SLC26A8: variants seen among roughly 807,000 people sequenced by gnomAD.
SLC26A8 encodes the protein testis anion transporter 1.
Under a neutral mutation model 105.0 loss-of-function variants are expected in SLC26A8, and 70 were observed. The observed-to-expected ratio is 0.67, with a 90% confidence interval of 0.55 to 0.81. The LOEUF (loss-of-function observed/expected upper bound fraction) is 0.81. Among genes scored for constraint, SLC26A8 ranks in the 40% least tolerant of loss-of-function variants. The pLI is 0.00. For missense variants in SLC26A8, 998 were observed against 1,181.8 expected, an observed-to-expected ratio of 0.84 and a Z score of 2.28; for synonymous variants, 415 against 438.3, an observed-to-expected ratio of 0.95 and a Z score of 0.66.
At chr6:36,009,353 A>AAACAAC (rs145874408) in intron 3 of SLC26A8, among the ~76,000 whole-genome samples, 63 of 149,370 alleles carry the variant, frequency 4.2e-4, no homozygotes, top group South Asian at 8.4e-4. Flanking sequence ...TGCCTCTCAA[A>AAACAAC]AACAACAACA....
chr6:35,983,971 C>T (rs957578023), intron 7 of SLC26A8, among the ~76,000 whole-genome samples: 5 of 152,080 alleles, frequency 3.3e-5, no homozygotes, highest in South Asian at 2.1e-4. Context: ...AGACCGTGGG[C>T]GCCTCCATCC....
chr6:35,965,851 CGTGGTGGCAGGT>C (rs1197164598), intron 11 of SLC26A8, among the ~76,000 whole-genome samples: 1 of 146,836 alleles, frequency 6.8e-6, no homozygotes, highest in Admixed American at 6.8e-5. Flanking sequence ...ATTAGCCAGG[CGTGGTGGCAGGT>C]GCCTGTAATC....
intron 3 of SLC26A8, among the ~76,000 whole-genome samples, chr6:36,009,196 C>CA (rs1442226822): frequency 6.6e-6 from 1 of 152,078 alleles, no homozygotes; most frequent in Non-Finnish European, 1.5e-5. Flanking sequence ...TACTAAAAGA[C>CA]AAAAGTTAGC....
intron 10 of SLC26A8, among the ~76,000 whole-genome samples, chr6:35,972,182 T>C (rs1772821905): frequency 6.6e-6 from 1 of 152,192 alleles, no homozygotes; most frequent in Admixed American, 6.5e-5. Flanking sequence ...CAGATTATTT[T>C]TGAGAGGTTC....
Position 35,944,284 on chromosome 6 carries a change from T to G in SLC26A8, c.2529A>C (p.Val843=). 6.2e-7 allele frequency: 1 copy of G among 1,614,096 alleles called. No homozygotes were observed. The highest frequency in any genetic ancestry group is 8.5e-7 in the Non-Finnish European group (1 of 1,180,006). Residue 843 remains valine, a synonymous_variant, in exon 20 of 20, where the codon GTA becomes GTC. Transcript: ENST00000490799. The stretch of plus-strand genomic sequence containing the variant: ...GTTGGATCTTGATGAAGCCTGGACT[T>G]ACATTTTTTTGGCTTCCTAGAAAAC... ...SSSFLGSQKN[V]SPGFIKIQQP...
intron 5 of SLC26A8, among the ~76,000 whole-genome samples, chr6:35,996,850 C>G (rs569657943): frequency 6.6e-6 from 1 of 152,224 alleles, no homozygotes; most frequent in East Asian, 1.9e-4. Flanking sequence ...GCCTGGCTAA[C>G]ATGGTGAAAC....
intron 7 of SLC26A8, 128 bp downstream of exon 7, chr6:35,991,531 C>T (rs1353181711): frequency 6.4e-6 from 4 of 621,284 alleles, no homozygotes; most frequent in African/African-American, 5.8e-5. Flanking sequence ...AGAAAACAAG[C>T]ATGTTTTCAC....
In SLC26A8 at chr6:35,951,048, A is replaced by T. The variant is rs912847839; in HGVS notation, c.2472+115T>A. The T allele has an allele frequency of 1.5e-5, 15 of 1,031,114 alleles. No individual in the cohort carries two copies. The Admixed American group carries it at 2.1e-4, about 14-fold the overall frequency. 63.9% of individuals were successfully genotyped at this position (1,031,114 alleles called of 1,614,324 possible). On this transcript the variant is annotated intron_variant, in intron 19 of 19. Coordinates refer to ENST00000490799, the MANE Select transcript of SLC26A8 (RefSeq NM_052961.4). The stretch of plus-strand genomic sequence containing the variant: ...GCCATACTAAATACCTTTCCTGGAC[A>T]TTATTCCTCTATCTGATCAGGAATC...
intron 5 of SLC26A8, among the ~76,000 whole-genome samples, chr6:35,993,969 A>G (rs533511911): frequency 1.1e-4 from 17 of 152,324 alleles, no homozygotes; most frequent in African/African-American, 3.8e-4. Context: ...GAAGTCTTAA[A>G]GCTTACAATC....
chr6:35,945,218 G>A (rs911634096), intron 19 of SLC26A8, among the ~76,000 whole-genome samples: 12 of 151,922 alleles, frequency 7.9e-5, no homozygotes, highest in Admixed American at 6.6e-5. Flanking sequence ...CCATAAATCT[G>A]CTTTTCATCT....
chr6:35,963,467 G>T (rs1490247055), intron 11 of SLC26A8, among the ~76,000 whole-genome samples: 1 of 152,170 alleles, frequency 6.6e-6, no homozygotes, highest in Non-Finnish European at 1.5e-5. Flanking sequence ...CAGTCCTCTT[G>T]CTGAGGCGCC....
At chr6:35,973,591 T>C (rs1772880447) in intron 10 of SLC26A8, among the ~76,000 whole-genome samples, 1 of 152,066 alleles carries the variant, frequency 6.6e-6, no homozygotes, top group African/African-American at 2.4e-5. Flanking sequence ...TTAGAATTAG[T>C]GCATTTTATG....
intron 7 of SLC26A8, among the ~76,000 whole-genome samples, chr6:35,984,028 T>C (rs552488096): frequency 7.2e-5 from 11 of 152,270 alleles, no homozygotes; most frequent in African/African-American, 2.2e-4. Flanking sequence ...GGAGGTCTTT[T>C]TCTAGTTCTA....
At chr6:35,999,873 G>A (rs544445681) in intron 4 of SLC26A8, 119 bp downstream of exon 4, 24 of 666,170 alleles carry the variant, frequency 3.6e-5, no homozygotes, top group South Asian at 2.4e-4. Context: ...TGGATAGAAT[G>A]TCCACCTCCT....
chr6:35,955,002 T>C, intron 17 of SLC26A8, 150 bp downstream of exon 17: 1 of 829,598 alleles, frequency 1.2e-6, no homozygotes. Flanking sequence ...ATTGACCTTA[T>C]ATTGTACTGC....
rs1281112748 is a variant in SLC26A8, at chr6:35,982,128, G to A, written c.1018C>T (p.Pro340Ser). The change falls in exon 8 of 20, where the codon CCT becomes TCT. Residue 340 changes from proline (P) to serine (S), a missense_variant. By Grantham distance (74) the Pro-to-Ser change is moderately conservative. Transcript: ENST00000490799. The stretch of plus-strand genomic sequence containing the variant: ...AAAAGTGGAATTACTGACCTATAAG[G>A]AATCATGTCAATAAGCGTCTGGCTG... ...ETSQTLIDMIPYSFLLPVTPD... is the reference protein window; with the variant it reads ...ETSQTLIDMISYSFLLPVTPD... The A allele has an allele frequency of 6.2e-7, 1 of 1,613,902 alleles. No homozygotes were observed. The highest frequency in any genetic ancestry group is 8.5e-7 in the Non-Finnish European group (1 of 1,179,932).
intron 2 of SLC26A8, among the ~76,000 whole-genome samples, chr6:36,012,913 C>T (rs902161058): frequency 6.6e-6 from 1 of 152,106 alleles, no homozygotes; most frequent in African/African-American, 2.4e-5. Context: ...TTAGGAGAGT[C>T]CCCAAGTGCG....
intron 3 of SLC26A8, among the ~76,000 whole-genome samples, chr6:36,004,496 A>C (rs1454826640): frequency 2.0e-5 from 3 of 151,354 alleles, no homozygotes; most frequent in African/African-American, 2.4e-5. Context: ...AAGTCATATC[A>C]ATTTTCTTTA....
chr6:35,966,581 T>G (rs1772525201), intron 11 of SLC26A8, among the ~76,000 whole-genome samples: 1 of 152,212 alleles, frequency 6.6e-6, no homozygotes, highest in South Asian at 2.1e-4. Context: ...ATTGAATATA[T>G]TATTTTATAT....
Sources: allele counts gnomAD v4.1 joint callset (sites outside exome capture counted in the v4.1 genomes callset), GRCh38; gene constraint gnomAD v4.1.1; transcripts MANE v1.5; gene names NCBI Gene and HGNC (gene_info 2026-07-23, HGNC 2026-07-21).